The following MCTP1 variants were observed in gnomAD, a reference collection of about 807,000 sequenced individuals.
MCTP1 encodes the protein multiple C2 and transmembrane domain containing 1, also known as multiple C2 and transmembrane domain-containing protein 1.
A neutral mutation model predicts 120.6 loss-of-function variants in MCTP1; 69 were observed. The observed-to-expected ratio is 0.57, with a 90% CI of 0.47 to 0.70. The LOEUF is 0.70. MCTP1 is among the 30% of genes least tolerant of loss of function. The pLI is 0.00. For missense variants in MCTP1, 1,203 were observed against 1,248.8 expected (o/e 0.96, Z 0.55); for synonymous variants, 529 against 493.1 (o/e 1.07, Z -0.96).
chr5:95,284,431 G>T lies in MCTP1; in HGVS notation c.145C>A (p.Arg49Ser), dbSNP rs766747520. The part of the protein sequence containing the change: ...GGGRAGGPER[R>S]TADTPSPSPP... Reference sequence around the variant, plus strand: ...GAGGGCGACGGGGTGTCCGCAGTGCGGCGCTCTGGACCCCCAGCGCGCCCG... The same window carrying T: ...GAGGGCGACGGGGTGTCCGCAGTGCTGCGCTCTGGACCCCCAGCGCGCCCG... Residue 49 changes from arginine to serine, a missense_variant, in exon 1 of 23, where the codon CGC becomes AGC. Around this residue, in one of 2 missense-constraint regions of MCTP1, gnomAD observed 463 missense variants for 377.8 expected, o/e 1.23. Transcript: ENST00000515393. This position sits in a 1 kb window ranked among gnomAD's most constrained non-coding sequence, Gnocchi z 5.2. The T allele has an allele frequency of 3.2e-6, 5 of 1,550,850 alleles. No individual in the cohort carries two copies.
intron 1 of MCTP1, among the ~76,000 whole-genome samples, chr5:95,119,731 C>A (rs1758066546): frequency 6.6e-6 from 1 of 152,162 alleles, no homozygotes; most frequent in South Asian, 2.1e-4. Context: ...TTAGTGGCTA[C>A]TATAAGCAAC....
At chr5:95,132,610 G>A (rs974181597) in intron 1 of MCTP1, among the ~76,000 whole-genome samples, 1 of 152,136 alleles carries the variant, frequency 6.6e-6, no homozygotes, top group East Asian at 1.9e-4. Flanking sequence ...CTGCAGTCCC[G>A]CGACCTCAGC....
chr5:95,181,496 A>G (rs1313161998), intron 1 of MCTP1, among the ~76,000 whole-genome samples: 1 of 152,220 alleles, frequency 6.6e-6, no homozygotes, highest in African/African-American at 2.4e-5. Context: ...TTTATATAAA[A>G]GAGCACTTCC....
At chr5:95,149,465 T>C (rs2152455782) in intron 1 of MCTP1, among the ~76,000 whole-genome samples, 1 of 145,076 alleles carries the variant, frequency 6.9e-6, no homozygotes, top group East Asian at 2.1e-4. Flanking sequence ...CCCACAGATT[T>C]CAGGCAAGGA....
chr5:95,272,430 C>T (rs1238827378), intron 1 of MCTP1, among the ~76,000 whole-genome samples: 1 of 152,170 alleles, frequency 6.6e-6, no homozygotes, highest in Non-Finnish European at 1.5e-5. Flanking sequence ...TCCCACAACA[C>T]AGTTCCATAG....
At chr5:95,236,949 T>C (rs897699138) in intron 1 of MCTP1, among the ~76,000 whole-genome samples, 3 of 152,218 alleles carry the variant, frequency 2.0e-5, no homozygotes, top group African/African-American at 7.2e-5. Flanking sequence ...AGCTTTAAAA[T>C]GGCCTTCTTA....
intron 19 of MCTP1, among the ~76,000 whole-genome samples, chr5:94,728,065 C>G (rs1319735274): frequency 6.6e-6 from 1 of 152,162 alleles, no homozygotes; most frequent in East Asian, 1.9e-4. Flanking sequence ...CCCCTAAACC[C>G]CTTCCTTACT....
chr5:95,167,905 T>C (rs1746644648), intron 1 of MCTP1, among the ~76,000 whole-genome samples: 1 of 152,226 alleles, frequency 6.6e-6, no homozygotes, highest in South Asian at 2.1e-4. Context: ...TTTAATTAAA[T>C]CCCATTTGTC....
At chr5:94,839,396 C>T (rs1177839351) in intron 17 of MCTP1, among the ~76,000 whole-genome samples, 3 of 151,992 alleles carry the variant, frequency 2.0e-5, no homozygotes, top group Non-Finnish European at 4.4e-5. Context: ...TAGTATTTTC[C>T]CTGCTCTCAA....
intron 2 of MCTP1, among the ~76,000 whole-genome samples, chr5:94,961,660 A>G (rs1388241262): frequency 6.6e-6 from 1 of 152,182 alleles, no homozygotes; most frequent in Admixed American, 6.6e-5. Context: ...GCTGTTAAAG[A>G]TCCCTGGAGA....
chr5:95,245,528 A>G (rs1453793579), intron 1 of MCTP1, among the ~76,000 whole-genome samples: 1 of 152,230 alleles, frequency 6.6e-6, no homozygotes, highest in Non-Finnish European at 1.5e-5. Flanking sequence ...TTTGTGATGC[A>G]TGCACAAGTT....
chr5:94,942,247 C>T, intron 4 of MCTP1, 101 bp downstream of exon 4: 2 of 819,962 alleles, frequency 2.4e-6, no homozygotes, highest in Admixed American at 2.1e-5. Context: ...AGGCTCACCA[C>T]TATAAATGAC....
intron 12 of MCTP1, among the ~76,000 whole-genome samples, chr5:94,888,340 T>A (rs928503024): frequency 6.6e-6 from 1 of 152,212 alleles, no homozygotes; most frequent in Non-Finnish European, 1.5e-5. Context: ...TTTCCTACTT[T>A]AAGAAATTTC....
intron 1 of MCTP1, among the ~76,000 whole-genome samples, chr5:95,032,710 AG>A (rs1466652325): frequency 6.6e-6 from 1 of 152,136 alleles, no homozygotes; most frequent in African/African-American, 2.4e-5. Flanking sequence ...ACCTAAAGTT[AG>A]CAGAAGAAAA....
At chr5:94,974,140 TAAA>T (rs1443428213) in intron 2 of MCTP1, among the ~76,000 whole-genome samples, 1 of 152,154 alleles carries the variant, frequency 6.6e-6, no homozygotes, top group Non-Finnish European at 1.5e-5. Flanking sequence ...TAAATTTAAA[TAAA>T]GAACTACAAA....
At chr5:95,274,600 CTT>C (rs1759663574) in intron 1 of MCTP1, among the ~76,000 whole-genome samples, 1 of 151,496 alleles carries the variant, frequency 6.6e-6, no homozygotes, top group South Asian at 2.1e-4. Flanking sequence ...ATTTCCAACA[CTT>C]TCTCCTTCTC....
intron 1 of MCTP1, among the ~76,000 whole-genome samples, chr5:95,211,922 G>C (rs989531158): frequency 2.0e-5 from 3 of 151,910 alleles, no homozygotes; most frequent in Non-Finnish European, 4.4e-5. Flanking sequence ...AGGTCTGTTG[G>C]AGTTTGCTAG....
chr5:94,734,530 A>T (rs566592781), intron 19 of MCTP1, among the ~76,000 whole-genome samples: 179 of 152,316 alleles, frequency 1.2e-3, no homozygotes, highest in African/African-American at 3.9e-3. Flanking sequence ...AATCTGTTAT[A>T]TTGAACATAT....
intron 19 of MCTP1, among the ~76,000 whole-genome samples, chr5:94,718,523 G>A (rs1422945900): frequency 6.6e-6 from 1 of 152,004 alleles, no homozygotes; most frequent in African/African-American, 2.4e-5. Context: ...TTAACAGATG[G>A]GATCTAATTA....
Sources: allele counts gnomAD v4.1 joint callset (sites outside exome capture counted in the v4.1 genomes callset), GRCh38; gene constraint gnomAD v4.1.1; regional missense constraint gnomAD v4.1.1; non-coding constraint Gnocchi (gnomAD v3.1); transcripts MANE v1.5; gene names NCBI Gene and HGNC (gene_info 2026-07-23, HGNC 2026-07-21).